The following ZMYM4 variants were observed in gnomAD, a reference collection of about 807,000 sequenced individuals.
The protein encoded by ZMYM4 is zinc finger MYM-type protein 4.
A neutral mutation model predicts 183.2 loss-of-function variants in ZMYM4; 31 were observed. The ratio of observed to expected loss-of-function variants is 0.17; its 90% CI spans 0.13 to 0.23. ZMYM4 has a LOEUF of 0.23. Ranked by LOEUF, ZMYM4 falls within the 10% of genes least tolerant of loss-of-function variation. ZMYM4 has a pLI of 1.00. For missense variants in ZMYM4, 1,273 were observed against 1,840.3 expected, an observed-to-expected ratio of 0.69 and a Z score of 5.64; for synonymous variants, 592 against 631.2, an observed-to-expected ratio of 0.94 and a Z score of 0.93.
rs562098007 is a variant in ZMYM4, at chr1:35,316,892, C to T, written c.40-8468C>T. ...ATCCCAGCACTTTGGGAGGCTGAGGCGGGCGGATCACCTGAGGTCAGGAGT... is the reference window on the plus strand; with the variant it reads ...ATCCCAGCACTTTGGGAGGCTGAGGTGGGCGGATCACCTGAGGTCAGGAGT... On this transcript the variant is annotated intron_variant, in intron 1 of 29. Transcript: ENST00000314607. Among the ~76,000 whole-genome samples the T allele has an allele frequency of 6.6e-5, 10 of 151,984 alleles. No individual in the cohort carries two copies. In the South Asian group the frequency reaches 8.3e-4, roughly 13 times the overall value.
At chr1:35,375,886 G>C (rs1644324213) in intron 7 of ZMYM4, among the ~76,000 whole-genome samples, 1 of 151,928 alleles carries the variant, frequency 6.6e-6, no homozygotes, top group South Asian at 2.1e-4. Context: ...GACCAGCCTG[G>C]GCAACACAGT....
intron 18 of ZMYM4, 124 bp from the exon 19 acceptor site, chr1:35,396,428 C>T (rs1644809477): frequency 4.5e-6 from 6 of 1,337,998 alleles, no homozygotes; most frequent in Non-Finnish European, 6.1e-6. Context: ...GTAAGAAGTC[C>T]TGTAGTGTCA....
At chr1:35,360,943 A>ATTTTT (rs558784834) in intron 3 of ZMYM4, among the ~76,000 whole-genome samples, 1 of 138,156 alleles carries the variant, frequency 7.2e-6, no homozygotes, top group Non-Finnish European at 1.6e-5. Flanking sequence ...AGCAAAAATA[A>ATTTTT]TTTTTTTTTT....
At chr1:35,418,004 G>A (rs1297823254) in intron 28 of ZMYM4, among the ~76,000 whole-genome samples, 6 of 148,866 alleles carry the variant, frequency 4.0e-5, no homozygotes, top group Admixed American at 6.7e-5. Context: ...GCAAAGTTCC[G>A]TCTCAAAAAA....
Position 35,398,875 on chromosome 1 carries a change from A to G in ZMYM4, c.3265A>G (p.Thr1089Ala), listed in dbSNP as rs765461909. Residue 1089 changes from threonine to alanine, a missense_variant, in exon 22 of 30, where the codon ACA becomes GCA. By Grantham distance (58) the Thr-to-Ala change is moderately conservative. Transcript: ENST00000314607. ...TKIFEKDQGS[T>A]YSGDLESEAV... ...TCTATATATTTCAGACCAAGGAAGT[A>G]CATACAGTGGTGATCTTGAATCAGA... 6.2e-7 allele frequency: 1 copy of G among 1,614,128 alleles called. No individual in the cohort carries two copies. The highest frequency in any genetic ancestry group is 1.1e-5 in the South Asian group (1 of 91,084).
chr1:35,403,511 C>G (rs921827708), intron 23 of ZMYM4, among the ~76,000 whole-genome samples: 11 of 152,056 alleles, frequency 7.2e-5, no homozygotes. Flanking sequence ...GTCTTGAACT[C>G]CTGGCCTCAA....
chr1:35,290,953 T>A (rs1640731318), intron 1 of ZMYM4, among the ~76,000 whole-genome samples: 1 of 152,240 alleles, frequency 6.6e-6, no homozygotes, highest in Admixed American at 6.5e-5. Flanking sequence ...TTCAGGCATG[T>A]GATAAATATT....
intron 5 of ZMYM4, among the ~76,000 whole-genome samples, chr1:35,364,790 A>G (rs1339965563): frequency 6.6e-6 from 1 of 152,144 alleles, no homozygotes; most frequent in Non-Finnish European, 1.5e-5. Flanking sequence ...TTTTGCTTTT[A>G]GCTCACTTCC....
intron 1 of ZMYM4, among the ~76,000 whole-genome samples, chr1:35,306,261 A>G (rs603460): frequency 1.3e-3 from 193 of 152,340 alleles, no homozygotes; most frequent in African/African-American, 4.4e-3. Flanking sequence ...TATATCATTT[A>G]TAGAACCTGT....
At position 35,284,268 on chromosome 1, in the gene ZMYM4, G is replaced by A. The variant is rs373666072; in HGVS notation, c.39+15183G>A. On this transcript the variant is annotated intron_variant, in intron 1 of 29. Transcript: ENST00000314607. ...TGGGATTACAGGCGTGAGCCACCGC[G>A]CCCGGCCAAAAGTTTTAAATTTTAA... is the stretch of plus-strand genomic sequence containing the variant. Among the ~76,000 whole-genome samples, 8 of 152,248 alleles carry A rather than the reference G, an allele frequency of 5.3e-5. No homozygotes were observed. In the East Asian group the frequency reaches 7.7e-4, roughly 15 times the overall value.
intron 2 of ZMYM4, among the ~76,000 whole-genome samples, chr1:35,344,030 CTT>C (rs1643301303): frequency 6.6e-6 from 1 of 150,682 alleles, no homozygotes; most frequent in Non-Finnish European, 1.5e-5. Flanking sequence ...TATATATAGT[CTT>C]TTCATAAGCA....
intron 2 of ZMYM4, among the ~76,000 whole-genome samples, chr1:35,327,237 A>T (rs992431699): frequency 1.3e-5 from 2 of 152,318 alleles, no homozygotes; most frequent in Non-Finnish European, 2.9e-5. Flanking sequence ...ACTATAATTT[A>T]ACTAGCTTCT....
At chr1:35,351,004 C>A in intron 2 of ZMYM4, 1 of 863,858 alleles carries the variant, frequency 1.2e-6, no homozygotes, top group Admixed American at 2.0e-5. Context: ...ACAAATTATG[C>A]TGCAGCGCAT....
intron 13 of ZMYM4, among the ~76,000 whole-genome samples, chr1:35,388,011 A>G (rs923121914): frequency 1.3e-5 from 2 of 152,218 alleles, no homozygotes; most frequent in Non-Finnish European, 2.9e-5. Context: ...AATGGCTTGA[A>G]TATGCAAATT....
At chr1:35,358,047 A>C (rs1389477057) in intron 2 of ZMYM4, among the ~76,000 whole-genome samples, 1 of 152,208 alleles carries the variant, frequency 6.6e-6, no homozygotes, top group Non-Finnish European at 1.5e-5. Flanking sequence ...GAAAAAAGTC[A>C]ATTTGCTTTG....
rs2149054507 is a variant in ZMYM4 at position 35,420,406 on chromosome 1, A to T, written c.*729A>T. The T allele has an allele frequency of 6.6e-6, 1 of 152,550 alleles. No homozygotes were observed. The highest frequency in any genetic ancestry group is 1.9e-4 in the East Asian group (1 of 5,184). 9.4% of individuals were successfully genotyped at this position (152,550 alleles called of 1,614,324 possible). A position where few individuals can be genotyped will look rare whatever the true frequency, so the allele number is the denominator to read the frequency against. On this transcript the variant is annotated 3_prime_UTR_variant, in exon 30 of 30. Coordinates refer to ENST00000314607, the MANE Select transcript of ZMYM4 (RefSeq NM_005095.3). ...ATGATATTCCACAAACTAATTATGC[A>T]CACAGAAAATCTGTGGAGCCTATCA...
intron 1 of ZMYM4, among the ~76,000 whole-genome samples, chr1:35,321,626 C>T (rs2148812478): frequency 6.6e-6 from 1 of 151,840 alleles, no homozygotes; most frequent in South Asian, 2.1e-4. Flanking sequence ...TCCCCTTAAC[C>T]TCTCAGTACC....
At chr1:35,331,305 A>G (rs977573914) in intron 2 of ZMYM4, among the ~76,000 whole-genome samples, 2 of 152,202 alleles carry the variant, frequency 1.3e-5, no homozygotes, top group African/African-American at 2.4e-5. Context: ...ACAGTTCTCA[A>G]TAATTTTTTA....
intron 2 of ZMYM4, among the ~76,000 whole-genome samples, chr1:35,344,061 C>CTT (rs566474547): frequency 1.4e-5 from 2 of 142,152 alleles, no homozygotes; most frequent in South Asian, 2.2e-4. Flanking sequence ...TTCTTTTTTC[C>CTT]TTTTTTTTTT....
Sources: allele counts gnomAD v4.1 joint callset (sites outside exome capture counted in the v4.1 genomes callset), GRCh38; gene constraint gnomAD v4.1.1; transcripts MANE v1.5; gene names NCBI Gene and HGNC (gene_info 2026-07-23, HGNC 2026-07-21).